The following RASA2 variants were observed in gnomAD, a reference collection of about 807,000 sequenced individuals.
RASA2 encodes RAS p21 protein activator 2.
Under a neutral mutation model 118.2 loss-of-function variants are expected in RASA2, and 155 were observed. The ratio of observed to expected loss-of-function variants is 1.31; its 90% CI spans 1.15 to 1.50. The LOEUF (loss-of-function observed/expected upper bound fraction) is 1.50, where lower values mean the gene tolerates loss of function less well. Ranked by LOEUF, RASA2 falls within the 40% of genes most tolerant of loss-of-function variation. The probability of loss-of-function intolerance (pLI) is 0.00; values close to 1 mark genes in which losing one functional copy is unlikely to be tolerated. For synonymous variants in RASA2, 353 were observed against 349.1 expected (o/e 1.01, Z -0.12); for missense variants, 1,016 against 1,009.6 (o/e 1.01, Z -0.09).
At position 141,554,408 on chromosome 3, in the gene RASA2, C is replaced by A. The variant is rs554148483; in HGVS notation, c.611+468C>A. ...AAATCTGTCCTCTACAGAGAGAATT[C>A]CAACTGTAGAAAAACTGCTGAAGTA... On this transcript the variant is annotated intron_variant, in intron 6 of 23. Coordinates refer to ENST00000286364, the MANE Select transcript of RASA2 (RefSeq NM_006506.5). Among the ~76,000 whole-genome samples, 28 of 152,248 alleles carry A rather than the reference C, an allele frequency of 1.8e-4. No individual in the cohort carries two copies. The South Asian group carries it at 4.6e-3, about 25-fold the overall frequency.
At chr3:141,528,753 A>T (rs2082217592) in intron 3 of RASA2, among the ~76,000 whole-genome samples, 1 of 151,998 alleles carries the variant, frequency 6.6e-6, no homozygotes, top group African/African-American at 2.4e-5. Flanking sequence ...TGACAGAAAA[A>T]TTTCTTTACA....
intron 19 of RASA2, among the ~76,000 whole-genome samples, chr3:141,590,887 A>T (rs2083276627): frequency 1.3e-5 from 2 of 152,208 alleles, no homozygotes; most frequent in African/African-American, 2.4e-5. Context: ...ATAAGTTTTT[A>T]AATTTTTGAG....
chr3:141,516,434 A>G lies in RASA2; in HGVS notation c.355+3A>G, dbSNP rs1424358546. ...TTTACAAAGAGATCTCCGTATAGGT[A>G]TGTACTATTCATAATTATCTTTAAT... On this transcript the variant is annotated splice_donor_region_variant and intron_variant, in intron 3 of 23. Transcript: ENST00000286364. 1 of 1,463,632 alleles carries G rather than the reference A, an allele frequency of 6.8e-7. No individual in the cohort carries two copies. The highest frequency in any genetic ancestry group is 9.1e-7 in the Non-Finnish European group (1 of 1,102,742). The allele number at this position is 1,463,632 out of a possible 1,614,324, so 90.7% of individuals were successfully genotyped here.
chr3:141,527,050 T>C (rs1038275210), intron 3 of RASA2, among the ~76,000 whole-genome samples: 1 of 152,178 alleles, frequency 6.6e-6, no homozygotes, highest in African/African-American at 2.4e-5. Context: ...TTTAGCAGCA[T>C]TGTTAGTTAA....
intron 2 of RASA2, among the ~76,000 whole-genome samples, chr3:141,515,289 T>G (rs2082006353): frequency 6.6e-6 from 1 of 152,184 alleles, no homozygotes; most frequent in South Asian, 2.1e-4. Context: ...CACATAACAT[T>G]GGCTGTTTTA....
At position 141,612,300 on chromosome 3, in the gene RASA2, G is replaced by A. The variant is rs1350935976; in HGVS notation, c.2537G>A (p.Gly846Glu). The change falls in exon 24 of 24, where the codon GGG becomes GAG. Residue 846 changes from glycine (G) to glutamate (E), a missense_variant. Coordinates refer to ENST00000286364, the MANE Select transcript of RASA2 (RefSeq NM_006506.5). ...KYGSKENPIV[G>E]KAS ...TTCTCTAGGGAAAATCCAATTGTTG[G>A]GAAAGCATCTTAGAGTTTAACAGAT... is the stretch of plus-strand genomic sequence containing the variant. 1.3e-6 allele frequency: 2 copies of A among 1,588,968 alleles called. No individual in the cohort carries two copies. The highest frequency in any genetic ancestry group is 8.6e-7 in the Non-Finnish European group (1 of 1,163,154).
chr3:141,554,890 GT>G lies in RASA2; in HGVS notation c.612-942del, dbSNP rs549464366. 9.2e-5 allele frequency among the ~76,000 whole-genome samples: 14 copies of G among 151,906 alleles called. No individual in the cohort carries two copies. In the East Asian group the frequency reaches 2.5e-3, roughly 27 times the overall value. On this transcript the variant is annotated intron_variant, in intron 6 of 23. Transcript: ENST00000286364. The stretch of plus-strand genomic sequence containing the variant: ...TGTTCAATCTAGTGGAGCTATTTTT[GT>G]TTTTTTTAATAATCTCTACCTGACA...
At position 141,521,482 on chromosome 3, in the gene RASA2, C is replaced by T. The variant is rs2082110416; in HGVS notation, c.355+5051C>T. Among the ~76,000 whole-genome samples the T allele has an allele frequency of 2.0e-5, 3 of 152,232 alleles. No individual in the cohort carries two copies. In the South Asian group the frequency reaches 6.2e-4, roughly 32 times the overall value. On this transcript the variant is annotated intron_variant, in intron 3 of 23. Transcript: ENST00000286364. ...CTTAAGAAAAATGTTTAGTAATTTT[C>T]GTCTCTTTACATGTTATAATCTTAA...
chr3:141,531,384 A>G (rs1181664654), intron 4 of RASA2, among the ~76,000 whole-genome samples: 1 of 151,698 alleles, frequency 6.6e-6, no homozygotes, highest in Non-Finnish European at 1.5e-5. Flanking sequence ...ACAGAGACAC[A>G]AGACTTTATT....
rs2083703078 is a variant in RASA2 at position 141,614,777 on chromosome 3, A to T, written c.*2464A>T. On this transcript the variant is annotated 3_prime_UTR_variant, in exon 24 of 24. Coordinates refer to ENST00000286364, the MANE Select transcript of RASA2 (RefSeq NM_006506.5). Reference sequence around the variant, plus strand: ...AATAGCAAACATTTTTACTCCCAGGAATATAATTTATCAAATTGAACTATT... The same window carrying T: ...AATAGCAAACATTTTTACTCCCAGGTATATAATTTATCAAATTGAACTATT... 1 of 152,192 alleles carries T rather than the reference A, an allele frequency of 6.6e-6. No individual in the cohort carries two copies. The highest frequency in any genetic ancestry group is 1.5e-5 in the Non-Finnish European group (1 of 68,024). 9.4% of individuals were successfully genotyped at this position (152,192 alleles called of 1,614,324 possible). A position where few individuals can be genotyped will look rare whatever the true frequency, so the allele number is the denominator to read the frequency against.
chr3:141,553,147 C>T (rs2082598710), intron 5 of RASA2, among the ~76,000 whole-genome samples: 1 of 152,080 alleles, frequency 6.6e-6, no homozygotes, highest in Admixed American at 6.5e-5. Flanking sequence ...TGAAGCTTGC[C>T]CTATATTTAT....
intron 9 of RASA2, among the ~76,000 whole-genome samples, chr3:141,562,870 A>T (rs2082757707): frequency 6.6e-6 from 1 of 151,838 alleles, no homozygotes; most frequent in African/African-American, 2.4e-5. Context: ...ATGGGGTTTC[A>T]CCATGTTCAC....
At chr3:141,596,392 A>C (rs75728075) in intron 19 of RASA2, among the ~76,000 whole-genome samples, 200 of 152,336 alleles carry the variant, frequency 1.3e-3, no homozygotes, top group African/African-American at 4.1e-3. Flanking sequence ...GATTGTTATT[A>C]ACAAGTAAAG....
chr3:141,600,389 T>C, intron 19 of RASA2: 1 of 484,902 alleles, frequency 2.1e-6, no homozygotes, highest in Non-Finnish European at 4.2e-6. Flanking sequence ...AGTCTTCTGC[T>C]CAATGTTCAA....
chr3:141,571,425 CT>C lies in RASA2; in HGVS notation c.1042del (p.Tyr348ThrfsTer3). ...PDVQPISASA[A>X]YILSEICRDK... ...ATTTAGCCAATATCTGCCTCAGCTG[CT>C]TACATTTTGAGTGAAATATGTCGAG... On this transcript the variant is annotated frameshift_variant, in exon 11 of 24. Coordinates refer to ENST00000286364, the MANE Select transcript of RASA2 (RefSeq NM_006506.5). LOFTEE classifies it high-confidence loss of function. 1 of 1,613,574 alleles carries C rather than the reference CT, an allele frequency of 6.2e-7. No individual in the cohort carries two copies. Among genetic ancestry groups the C allele is most frequent in the Non-Finnish European group, 8.5e-7 (1 of 1,179,804 alleles).
At chr3:141,601,002 C>G (rs1049473288) in intron 19 of RASA2, among the ~76,000 whole-genome samples, 2 of 152,086 alleles carry the variant, frequency 1.3e-5, no homozygotes, top group African/African-American at 4.8e-5. Context: ...ATGGCCAATT[C>G]CGTTTTAACA....
chr3:141,535,452 A>G (rs2082314220), intron 4 of RASA2, among the ~76,000 whole-genome samples: 2 of 152,330 alleles, frequency 1.3e-5, no homozygotes, highest in South Asian at 4.1e-4. Context: ...TAAAGTTTAG[A>G]CTTGAGAGGA....
intron 1 of RASA2, among the ~76,000 whole-genome samples, chr3:141,499,422 CCA>C (rs145887423): frequency 1.3e-5 from 2 of 151,150 alleles, no homozygotes; most frequent in Non-Finnish European, 1.5e-5. Context: ...GGTTTTATAG[CCA>C]CACACACACA....
At chr3:141,561,004 A>G (rs930120631) in intron 9 of RASA2, among the ~76,000 whole-genome samples, 4 of 152,124 alleles carry the variant, frequency 2.6e-5, no homozygotes, top group African/African-American at 4.8e-5. Flanking sequence ...TTGCCTCTCT[A>G]TAGTCCAAGG....
Sources: allele counts gnomAD v4.1 joint callset (sites outside exome capture counted in the v4.1 genomes callset), GRCh38; gene constraint gnomAD v4.1.1; transcripts MANE v1.5; gene names NCBI Gene and HGNC (gene_info 2026-07-23, HGNC 2026-07-21).